The following DYSF variants were observed in gnomAD, a reference collection of about 807,000 sequenced individuals.
DYSF encodes dystrophy-associated fer-1-like 1.
In DYSF, 212 loss-of-function variants were observed where a neutral mutation model predicts 274.9. That is an observed-to-expected ratio of 0.77 (90% CI 0.69 to 0.86). The LOEUF (loss-of-function observed/expected upper bound fraction) is 0.86, where lower values mean the gene tolerates loss of function less well. Ranked by LOEUF, DYSF falls within the 40% of genes least tolerant of loss-of-function variation. The probability of loss-of-function intolerance (pLI) is 0.00; values close to 1 mark genes in which losing one functional copy is unlikely to be tolerated. For synonymous variants in DYSF, 1,091 were observed against 1,078.7 expected (o/e 1.01, Z -0.22); for missense variants, 2,666 against 2,783.2 (o/e 0.96, Z 0.95).
At chr2:71,470,578 G>T (rs2081933970) in intron 1 of DYSF, among the ~76,000 whole-genome samples, 1 of 149,886 alleles carries the variant, frequency 6.7e-6, no homozygotes, top group South Asian at 2.1e-4. Context: ...GGAGGCTGAG[G>T]CAGGAGAATG....
intron 24 of DYSF, among the ~76,000 whole-genome samples, chr2:71,567,669 C>T (rs904142781): frequency 6.6e-6 from 1 of 151,954 alleles, no homozygotes; most frequent in East Asian, 1.9e-4. Context: ...AGGTCCTGGG[C>T]TAGACATGGT....
At chr2:71,490,704 C>T (rs912125722) in intron 3 of DYSF, among the ~76,000 whole-genome samples, 2 of 152,210 alleles carry the variant, frequency 1.3e-5, no homozygotes, top group African/African-American at 4.8e-5. Context: ...TTTACTTATA[C>T]AAAAATGGAA....
At chr2:71,490,176 A>T (rs374199091) in intron 3 of DYSF, among the ~76,000 whole-genome samples, 85 of 152,314 alleles carry the variant, frequency 5.6e-4, no homozygotes, top group Admixed American at 1.1e-3. Context: ...AAACAACCAA[A>T]AAATTTCACG....
At chr2:71,609,756 C>T (rs568358294) in intron 36 of DYSF, among the ~76,000 whole-genome samples, 2 of 152,310 alleles carry the variant, frequency 1.3e-5, no homozygotes, top group South Asian at 4.2e-4. Context: ...TGTCGCTGCA[C>T]AGGAGTGTGG....
At chr2:71,453,717 G>A (rs1424689427) in exon 1 of DYSF, 1 of 504,474 alleles carries the variant, frequency 2.0e-6, no homozygotes, top group Non-Finnish European at 3.6e-6. Context: ...CGGGAAGGGC[G>A]GCGGGGGTGG....
intron 32 of DYSF, among the ~76,000 whole-genome samples, chr2:71,592,842 C>T (rs2093307761): frequency 6.6e-6 from 1 of 152,202 alleles, no homozygotes; most frequent in Non-Finnish European, 1.5e-5. Context: ...GCCATGGCTG[C>T]TCCTTCTCCC....
intron 3 of DYSF, among the ~76,000 whole-genome samples, chr2:71,483,370 G>A (rs1476125439): frequency 1.3e-5 from 2 of 152,248 alleles, no homozygotes; most frequent in Non-Finnish European, 2.9e-5. Flanking sequence ...AGATCAGGGA[G>A]GGAGCAGCCC....
chr2:71,533,593 C>T lies in DYSF; in HGVS notation c.1381-1428C>T, dbSNP rs537238166. Among the ~76,000 whole-genome samples, 10 of 152,348 alleles carry T rather than the reference C, an allele frequency of 6.6e-5. No individual in the cohort carries two copies. The East Asian group carries it at 1.7e-3, about 26-fold the overall frequency. On this transcript the variant is annotated intron_variant, in intron 14 of 55. Coordinates refer to ENST00000410020, the MANE Select transcript of DYSF (RefSeq NM_001130987.2). ...GAATAGCCTCACACATATGTCATTC[C>T]TCACATGTGCAAGTATTTCTGTAGG...
At chr2:71,646,804 G>C (rs1167204202) in intron 42 of DYSF, among the ~76,000 whole-genome samples, 1 of 152,114 alleles carries the variant, frequency 6.6e-6, no homozygotes, top group Non-Finnish European at 1.5e-5. Flanking sequence ...TATATCAAAA[G>C]TCAAAATTCA....
chr2:71,570,013 C>A, intron 27 of DYSF, 79 bp downstream of exon 27: 2 of 1,345,308 alleles, frequency 1.5e-6, no homozygotes, highest in Non-Finnish European at 2.1e-6. Context: ...ACAGGTGGGG[C>A]ATGTTTCTCT....
chr2:71,680,817 T>A lies in DYSF; in HGVS notation c.6064-184T>A, dbSNP rs79215518. Among the ~76,000 whole-genome samples the A allele has an allele frequency of 0.012, 1,845 of 152,354 alleles. 49 individuals are homozygous for A. Among genetic ancestry groups the A allele is most frequent in the African/African-American group, 0.042 (1,760 of 41,586 alleles). On this transcript the variant is annotated intron_variant, in intron 53 of 55. Transcript: ENST00000410020. ...TGGAAGTAGGGGTGGCAGTCTCCCT[T>A]CTTTATACATTTCTGAAGTTTCCAA...
In DYSF at chr2:71,561,935, G is replaced by A. The variant is rs757613811; in HGVS notation, c.2400G>A (p.Leu800=). ...AEDWLLRLRA[L]AEEPQNSLPD... is the part of the protein sequence containing the mutation. Reference sequence around the variant, plus strand: ...ACTGGCTCCTGCGTCTGCGTGCCCTGGCAGAGGAGGTAATTAAGCCTGGGG... The same window carrying A: ...ACTGGCTCCTGCGTCTGCGTGCCCTAGCAGAGGAGGTAATTAAGCCTGGGG... The change falls in exon 23 of 56, where the codon CTG becomes CTA. Residue 800 remains leucine, a synonymous_variant. Coordinates refer to ENST00000410020, the MANE Select transcript of DYSF (RefSeq NM_001130987.2). 62 of 1,613,676 alleles carry A rather than the reference G, an allele frequency of 3.8e-5. No individual in the cohort carries two copies. Among genetic ancestry groups the A allele is most frequent in the Non-Finnish European group, 5.3e-5 (62 of 1,179,914 alleles).
rs80113040 is a variant in DYSF, at chr2:71,672,830, G to T, written c.5785-1367G>T. Among the ~76,000 whole-genome samples, 71 of 152,354 alleles carry T rather than the reference G, an allele frequency of 4.7e-4. 1 individual carries two copies. In the South Asian group the frequency reaches 9.3e-3, roughly 20 times the overall value. ...TGCAGAAGGGCTGGGGCCCGGAAAA[G>T]GGGGGAGGCACCAGACAGAGGGCTG... On this transcript the variant is annotated intron_variant, in intron 51 of 55. Transcript: ENST00000410020.
chr2:71,675,813 TAAAC>T (rs996736178), intron 52 of DYSF, among the ~76,000 whole-genome samples: 31 of 152,188 alleles, frequency 2.0e-4, no homozygotes, highest in African/African-American at 7.2e-4. Context: ...ATTTGAGACT[TAAAC>T]AAACATAAGT....
At chr2:71,637,966 C>T (rs1234467625) in intron 41 of DYSF, among the ~76,000 whole-genome samples, 1 of 152,052 alleles carries the variant, frequency 6.6e-6, no homozygotes, top group Non-Finnish European at 1.5e-5. Context: ...ATAGGCCATT[C>T]GTCTCAGCAG....
intron 22 of DYSF, among the ~76,000 whole-genome samples, chr2:71,558,742 C>T (rs1362851911): frequency 6.6e-6 from 1 of 152,166 alleles, no homozygotes; most frequent in Non-Finnish European, 1.5e-5. Flanking sequence ...GGCCTCCCAG[C>T]AGGGAGGCTG....
chr2:71,528,235 G>C, intron 13 of DYSF, 63 bp from the exon 14 acceptor site: 2 of 1,441,518 alleles, frequency 1.4e-6, no homozygotes, highest in Non-Finnish European at 1.9e-6. Flanking sequence ...ACAGATGGGG[G>C]ACAGTCAGGG....
intron 7 of DYSF, among the ~76,000 whole-genome samples, chr2:71,514,516 T>A (rs562682611): frequency 6.6e-6 from 1 of 152,358 alleles, no homozygotes; most frequent in East Asian, 1.9e-4. Context: ...ATGAACACTT[T>A]GACACATTTT....
At chr2:71,483,126 G>T (rs1480146726) in intron 3 of DYSF, among the ~76,000 whole-genome samples, 2 of 152,192 alleles carry the variant, frequency 1.3e-5, no homozygotes, top group East Asian at 3.8e-4. Context: ...TGCTGGCCAT[G>T]GGTGCATGGT....
Sources: gnomAD v4.1 joint callset for allele counts (sites outside exome capture counted in the v4.1 genomes callset) on GRCh38, gnomAD v4.1.1 for gene constraint, MANE v1.5 for transcripts, NCBI Gene and HGNC (gene_info 2026-07-23, HGNC 2026-07-21) for gene names.